Variants in COL4A6 observed in about 807,000 individuals in gnomAD.
COL4A6 encodes the protein collagen type IV alpha 6 chain.
Under a neutral mutation model 126.7 loss-of-function variants are expected in COL4A6, and 59 were observed. The ratio of observed to expected loss-of-function variants is 0.47; its 90% CI spans 0.38 to 0.58. COL4A6 has a LOEUF of 0.58. Ranked by LOEUF, COL4A6 falls within the 20% of genes least tolerant of loss-of-function variation. The pLI, the probability that COL4A6 is intolerant of heterozygous loss-of-function variation, is 0.00. For missense variants in COL4A6, 1,285 were observed against 1,337.3 expected (o/e 0.96, Z 0.61); for synonymous variants, 547 against 496.6 (o/e 1.10, Z -1.35).
chrX:108,417,095 T>G (rs2041449751), intron 2 of COL4A6, among the ~76,000 whole-genome samples: 1 of 111,856 alleles, frequency 8.9e-6, no homozygotes, highest in Admixed American at 9.5e-5. Flanking sequence ...TGTGTACAAA[T>G]ATTAGATGCT....
chrX:108,197,002 G>A (rs2035240280), intron 13 of COL4A6, among the ~76,000 whole-genome samples: 1 of 112,176 alleles, frequency 8.9e-6, no homozygotes, highest in Non-Finnish European at 1.9e-5. Context: ...GGAACTTGAT[G>A]ATTTGACCCA....
intron 16 of COL4A6, 35 bp downstream of exon 16, chrX:108,194,499 C>T (rs778788434): frequency 8.5e-7 from 1 of 1,176,332 alleles, no homozygotes; most frequent in Non-Finnish European, 1.1e-6. Context: ...ACTCTTCTAC[C>T]TACCAACCCT....
chrX:108,382,250 T>C (rs2040574974), intron 2 of COL4A6, among the ~76,000 whole-genome samples: 1 of 112,148 alleles, frequency 8.9e-6, no homozygotes, highest in Non-Finnish European at 1.9e-5. Context: ...TCATCCTGGA[T>C]TTGTCTCTTA....
Position 108,160,560 on chromosome X carries a change from T to C in COL4A6, c.4428A>G (p.Glu1476=). ...GYTLVKHSQS[E]QVPPCPIGMS... Reference sequence around the variant, plus strand: ...TCCCGATGGGACACGGGGGCACCTGTTCCGACTGGCTGTGCTTTACCAACG... The same window carrying C: ...TCCCGATGGGACACGGGGGCACCTGCTCCGACTGGCTGTGCTTTACCAACG... The change falls in exon 43 of 45, where the codon GAA becomes GAG. Residue 1476 remains glutamate (E), a synonymous_variant. Coordinates refer to ENST00000334504, the MANE Select transcript of COL4A6 (RefSeq NM_033641.4). 1 of 1,211,576 alleles carries C rather than the reference T, an allele frequency of 8.3e-7. No individual in the cohort carries two copies. The highest frequency in any genetic ancestry group is 1.1e-6 in the Non-Finnish European group (1 of 895,380).
intron 29 of COL4A6, 62 bp downstream of exon 29, chrX:108,175,592 A>G: frequency 1.1e-5 from 12 of 1,115,577 alleles, no homozygotes; most frequent in Non-Finnish European, 1.4e-5. Context: ...CCAAGTCAAC[A>G]AACAAAATAT....
intron 23 of COL4A6, among the ~76,000 whole-genome samples, chrX:108,185,847 G>C (rs956333591): frequency 8.0e-5 from 9 of 112,118 alleles, no homozygotes; most frequent in African/African-American, 2.9e-4. Flanking sequence ...TGGAGGTCAA[G>C]GGAAAGCTTA....
intron 23 of COL4A6, among the ~76,000 whole-genome samples, chrX:108,185,804 G>A (rs768307393): frequency 8.9e-6 from 1 of 112,108 alleles, no homozygotes; most frequent in Non-Finnish European, 1.9e-5. Flanking sequence ...GTAATAGAAG[G>A]AGATATATAA....
chrX:108,311,236 T>C (rs1394981843), intron 2 of COL4A6, among the ~76,000 whole-genome samples: 2 of 112,084 alleles, frequency 1.8e-5, no homozygotes, highest in Non-Finnish European at 1.9e-5. Context: ...GTGCTAGATA[T>C]GTAGTGACAA....
chrX:108,357,175 T>C lies in COL4A6; in HGVS notation c.64-46347A>G, dbSNP rs772182529. ...CTCAGTGAATGCTTACAATGATGGG[T>C]AGAGAGCTTGAAAATACACAGGACT... On this transcript the variant is annotated intron_variant, in intron 2 of 44. Coordinates refer to ENST00000334504, the MANE Select transcript of COL4A6 (RefSeq NM_033641.4). Among the ~76,000 whole-genome samples, 43 of 111,298 alleles carry C rather than the reference T, an allele frequency of 3.9e-4. 1 individual carries two copies. The highest frequency in any genetic ancestry group is 4.7e-3 in the Middle Eastern group (1 of 215).
At chrX:108,340,172 A>C (rs1399659722) in intron 2 of COL4A6, among the ~76,000 whole-genome samples, 1 of 111,535 alleles carries the variant, frequency 9.0e-6, no homozygotes, top group Non-Finnish European at 1.9e-5. Flanking sequence ...GCAGCATTGG[A>C]GAGTTCATTA....
intron 2 of COL4A6, among the ~76,000 whole-genome samples, chrX:108,426,584 A>T (rs73533291): frequency 0.074 from 8,221 of 111,382 alleles, 680 homozygotes; most frequent in African/African-American, 0.23. Context: ...GGCTTTGGGG[A>T]AACTGGAACA....
chrX:108,249,393 A>G lies in COL4A6; in HGVS notation c.145-28019T>C, dbSNP rs975572512. On this transcript the variant is annotated intron_variant, in intron 3 of 44. Transcript: ENST00000334504. ...AACTCATATGAAGCAGGGAATCTTT[A>G]GTTATTGCTGATGATCTAGAAACCA... Among the ~76,000 whole-genome samples, 3 of 111,523 alleles carry G rather than the reference A, an allele frequency of 2.7e-5. No individual in the cohort carries two copies. The Admixed American group carries it at 2.9e-4, about 11-fold the overall frequency.
In COL4A6 at chrX:108,317,852, C is replaced by G. The variant is rs1199395720; in HGVS notation, c.64-7024G>C. The stretch of plus-strand genomic sequence containing the variant: ...GTAGCCTTGTAGTATAGTTTGAAGT[C>G]AGGTAGCGTGATGCCTCCAGCTTTG... On this transcript the variant is annotated intron_variant, in intron 2 of 44. Coordinates refer to ENST00000334504, the MANE Select transcript of COL4A6 (RefSeq NM_033641.4). Among the ~76,000 whole-genome samples, 13 of 108,795 alleles carry G rather than the reference C, an allele frequency of 1.2e-4. No individual in the cohort carries two copies. In the South Asian group the frequency reaches 3.5e-3, roughly 30 times the overall value. 94.5% of individuals were successfully genotyped at this position (108,795 alleles called of 115,157 possible). A position where few individuals can be genotyped will look rare whatever the true frequency, so the allele number is the denominator to read the frequency against.
chrX:108,227,930 T>C (rs1049672228), intron 3 of COL4A6, among the ~76,000 whole-genome samples: 3 of 111,803 alleles, frequency 2.7e-5, no homozygotes, highest in African/African-American at 9.8e-5. Context: ...TAATTTATGA[T>C]AGTTGCAATA....
chrX:108,343,155 ATATATATATAGTGT>A (rs1158564845), intron 2 of COL4A6, among the ~76,000 whole-genome samples: 5 of 74,470 alleles, frequency 6.7e-5, no homozygotes, highest in Non-Finnish European at 1.0e-4. Flanking sequence ...ATATATATAT[ATATATATATAGTGT>A]GTGTGTGTGT....
intron 2 of COL4A6, among the ~76,000 whole-genome samples, chrX:108,411,620 C>T (rs1003303159): frequency 4.5e-5 from 5 of 111,722 alleles, no homozygotes; most frequent in Admixed American, 9.5e-5. Context: ...TTACTTTTGT[C>T]CCCTTAAAAC....
At chrX:108,243,388 A>C (rs1461375198) in intron 3 of COL4A6, among the ~76,000 whole-genome samples, 3 of 110,827 alleles carry the variant, frequency 2.7e-5, no homozygotes, top group Non-Finnish European at 5.7e-5. Flanking sequence ...ACCTTGATCC[A>C]ATAGAACTGG....
At position 108,283,115 on chromosome X, in the gene COL4A6, T is replaced by C. The variant is rs779314473; in HGVS notation, c.144+27633A>G. On this transcript the variant is annotated intron_variant, in intron 3 of 44. Coordinates refer to ENST00000334504, the MANE Select transcript of COL4A6 (RefSeq NM_033641.4). Reference sequence around the variant, plus strand: ...ATACATATGTAACTAACCTGCACATTGTGCACTTGTACCCTAAAACTTAAA... The same window carrying C: ...ATACATATGTAACTAACCTGCACATCGTGCACTTGTACCCTAAAACTTAAA... Among the ~76,000 whole-genome samples the C allele has an allele frequency of 7.4e-5, 8 of 107,557 alleles. No individual in the cohort carries two copies. In the Admixed American group the frequency reaches 8.0e-4, roughly 11 times the overall value. 93.4% of individuals were successfully genotyped at this position (107,557 alleles called of 115,157 possible). A position where few individuals can be genotyped will look rare whatever the true frequency, so the allele number is the denominator to read the frequency against.
chrX:108,395,940 A>G (rs2040954188), intron 2 of COL4A6, among the ~76,000 whole-genome samples: 1 of 111,521 alleles, frequency 9.0e-6, no homozygotes, highest in Non-Finnish European at 1.9e-5. Flanking sequence ...ACCGCTTTAA[A>G]CAGCATTAAA....
Sources: allele counts gnomAD v4.1 joint callset (sites outside exome capture counted in the v4.1 genomes callset), GRCh38; gene constraint gnomAD v4.1.1; transcripts MANE v1.5; gene names NCBI Gene and HGNC (gene_info 2026-07-23, HGNC 2026-07-21).